SLC43A2: variants seen among roughly 807,000 people sequenced by gnomAD.
SLC43A2 encodes solute carrier family 43 member 2, also known as large neutral amino acids transporter small subunit 4.
SLC43A2 carries 38 observed loss-of-function variants against 63.2 expected under a neutral mutation model. The ratio of observed to expected loss-of-function variants is 0.60; its 90% CI spans 0.46 to 0.79. The LOEUF is 0.79. Ranked by LOEUF, SLC43A2 falls within the 30% of genes least tolerant of loss-of-function variation. The pLI, the probability that SLC43A2 is intolerant of heterozygous loss-of-function variation, is 0.00. For synonymous variants in SLC43A2, 322 were observed against 331.0 expected, an observed-to-expected ratio of 0.97 and a Z score of 0.30; for missense variants, 644 against 756.2, an observed-to-expected ratio of 0.85 and a Z score of 1.74.
At chr17:1,581,579 G>A (rs549608055) in intron 11 of SLC43A2, among the ~76,000 whole-genome samples, 2 of 152,292 alleles carry the variant, frequency 1.3e-5, no homozygotes, top group East Asian at 3.9e-4. Context: ...TTCCCTCCTG[G>A]ACTTGACCCA....
At chr17:1,596,535 A>G (rs73282968) in intron 5 of SLC43A2, among the ~76,000 whole-genome samples, 13,963 of 152,154 alleles carry the variant, frequency 0.092, 2,112 homozygotes, top group African/African-American at 0.32. Context: ...AAAACAAAAA[A>G]TAGAACATAT....
chr17:1,605,118 G>A lies in SLC43A2; in HGVS notation c.501+8077C>T. The A allele has an allele frequency of 1.5e-6, 2 of 1,314,742 alleles. No individual in the cohort carries two copies. The highest frequency in any genetic ancestry group is 1.9e-6 in the Non-Finnish European group (2 of 1,026,494). 81.4% of individuals were successfully genotyped at this position (1,314,742 alleles called of 1,614,324 possible). On this transcript the variant is annotated intron_variant, in intron 5 of 13. Coordinates refer to ENST00000301335, the MANE Select transcript of SLC43A2 (RefSeq NM_152346.3). The surrounding 1 kb of genome is among the most constrained non-coding windows in gnomAD (Gnocchi z 4.9). ...CAAGCCCCTCTTCCCGCCCTCAGGT[G>A]CTTCCCACAGCCCCCTCGCCGCCTC... is the stretch of plus-strand genomic sequence containing the variant.
intron 3 of SLC43A2, among the ~76,000 whole-genome samples, chr17:1,615,522 C>A (rs1907515927): frequency 1.3e-5 from 2 of 148,364 alleles, no homozygotes; most frequent in Non-Finnish European, 3.0e-5. Flanking sequence ...AGCAAAACTC[C>A]AACTCAAAAG....
chr17:1,615,887 A>T (rs1462364557), intron 3 of SLC43A2, among the ~76,000 whole-genome samples: 3 of 113,942 alleles, frequency 2.6e-5, no homozygotes, highest in Non-Finnish European at 5.8e-5. Context: ...TATGAAAAAT[A>T]TAAAAATTAG....
At chr17:1,617,694 A>G (rs1907807019) in intron 2 of SLC43A2, among the ~76,000 whole-genome samples, 1 of 152,094 alleles carries the variant, frequency 6.6e-6, no homozygotes, top group Non-Finnish European at 1.5e-5. Context: ...CCCAGCCGAT[A>G]TGCACCTTTC....
intron 2 of SLC43A2, among the ~76,000 whole-genome samples, chr17:1,623,054 C>T (rs1908313550): frequency 2.0e-5 from 3 of 151,880 alleles, no homozygotes; most frequent in Admixed American, 6.6e-5. Context: ...TACAGTGAGC[C>T]GAGACTGCGC....
At chr17:1,584,188 C>T (rs548042678) in intron 10 of SLC43A2, among the ~76,000 whole-genome samples, 28 of 152,178 alleles carry the variant, frequency 1.8e-4, no homozygotes, top group African/African-American at 6.5e-4. Flanking sequence ...CCACCGCGCC[C>T]GGCCAAGCAC....
chr17:1,576,073 C>CT (rs56013428), intron 13 of SLC43A2, among the ~76,000 whole-genome samples: 464 of 81,390 alleles, frequency 5.7e-3, no homozygotes, highest in East Asian at 0.017. Flanking sequence ...GAACTGTGTT[C>CT]TTTTTTTTTT....
intron 5 of SLC43A2, among the ~76,000 whole-genome samples, chr17:1,607,013 GC>G (rs1906686822): frequency 6.6e-6 from 1 of 152,214 alleles, no homozygotes; most frequent in South Asian, 2.1e-4. Context: ...CCCGCTTGGA[GC>G]CCCCTCTCCT....
In SLC43A2 at chr17:1,581,049, C is replaced by T. The variant is rs1009354934; in HGVS notation, c.1350+2155G>A. ...ACTCCGAGAGGCACTTTTTAAGAGC[C>T]ATCCTCTTGGCCACCAGGTCCCTGT... On this transcript the variant is annotated intron_variant, in intron 11 of 13. Coordinates refer to ENST00000301335, the MANE Select transcript of SLC43A2 (RefSeq NM_152346.3). Among the ~76,000 whole-genome samples, 28 of 152,244 alleles carry T rather than the reference C, an allele frequency of 1.8e-4. No individual in the cohort carries two copies. The East Asian group carries it at 3.5e-3, about 19-fold the overall frequency.
At position 1,571,432 on chromosome 17, in the gene SLC43A2, C is replaced by A. The variant is rs1567597777; in HGVS notation, c.*4172G>T. 1 of 152,298 alleles carries A rather than the reference C, an allele frequency of 6.6e-6. No homozygotes were observed. Among genetic ancestry groups the A allele is most frequent in the Non-Finnish European group, 1.5e-5 (1 of 68,086 alleles). 9.4% of individuals were successfully genotyped at this position (152,298 alleles called of 1,614,324 possible). A position where few individuals can be genotyped will look rare whatever the true frequency, so the allele number is the denominator to read the frequency against. Reference sequence around the variant, plus strand: ...TTCTCAGAGCTCCTGGCAGGAGCCCCTCACCGCAGGAGGCCCACAACCCCT... The same window carrying A: ...TTCTCAGAGCTCCTGGCAGGAGCCCATCACCGCAGGAGGCCCACAACCCCT... On this transcript the variant is annotated 3_prime_UTR_variant, in exon 14 of 14. Coordinates refer to ENST00000301335, the MANE Select transcript of SLC43A2 (RefSeq NM_152346.3). This position sits in a 1 kb window ranked among gnomAD's most constrained non-coding sequence, Gnocchi z 5.2.
intron 5 of SLC43A2, among the ~76,000 whole-genome samples, chr17:1,607,919 T>C (rs1265994092): frequency 1.3e-5 from 2 of 152,164 alleles, no homozygotes; most frequent in Non-Finnish European, 2.9e-5. Context: ...TTTCACCATG[T>C]TGGCCAGCCT....
chr17:1,603,982 A>C (rs1906330782), intron 5 of SLC43A2, among the ~76,000 whole-genome samples: 1 of 152,154 alleles, frequency 6.6e-6, no homozygotes, highest in South Asian at 2.1e-4. Flanking sequence ...CACGGCTTTT[A>C]CATGTGCCTT....
intron 11 of SLC43A2, among the ~76,000 whole-genome samples, chr17:1,582,500 G>C (rs990145020): frequency 2.0e-5 from 3 of 152,152 alleles, no homozygotes; most frequent in Admixed American, 2.0e-4. Flanking sequence ...CCACAGATTG[G>C]CCAGATCTCT....
intron 11 of SLC43A2, among the ~76,000 whole-genome samples, chr17:1,580,167 G>A (rs1420485783): frequency 2.0e-5 from 3 of 152,138 alleles, no homozygotes; most frequent in South Asian, 2.1e-4. Flanking sequence ...ATCCACCCGC[G>A]TTGGCCTCCC....
intron 2 of SLC43A2, among the ~76,000 whole-genome samples, chr17:1,625,577 C>T (rs1908587385): frequency 6.6e-6 from 1 of 152,180 alleles, no homozygotes; most frequent in Admixed American, 6.5e-5. Context: ...TCGCCAGGCA[C>T]TCCCAGACGA....
At chr17:1,604,987 G>A in intron 5 of SLC43A2, 1 of 1,445,226 alleles carries the variant, frequency 6.9e-7, no homozygotes, top group Non-Finnish European at 9.1e-7. Context: ...CGGGCCTCGA[G>A]GGCTGGCGGA....
intron 11 of SLC43A2, among the ~76,000 whole-genome samples, chr17:1,582,084 TG>T (rs1417916237): frequency 1.3e-5 from 2 of 150,662 alleles, no homozygotes; most frequent in African/African-American, 4.9e-5. Flanking sequence ...TGGTTTTTTT[TG>T]GTTTTTTTTT....
At chr17:1,591,190 G>A in intron 8 of SLC43A2, 79 bp downstream of exon 8, 14 of 1,540,630 alleles carry the variant, frequency 9.1e-6, no homozygotes, top group Non-Finnish European at 1.2e-5. Flanking sequence ...TCCCCTTTTG[G>A]GGTGAGGTGG....
Sources: allele counts gnomAD v4.1 joint callset (sites outside exome capture counted in the v4.1 genomes callset), GRCh38; gene constraint gnomAD v4.1.1; non-coding constraint Gnocchi (gnomAD v3.1); transcripts MANE v1.5; gene names NCBI Gene and HGNC (gene_info 2026-07-23, HGNC 2026-07-21).